MVK: variants seen among roughly 807,000 people sequenced by gnomAD.
The protein encoded by MVK is LH receptor mRNA-binding protein.
Under a neutral mutation model 43.2 loss-of-function variants are expected in MVK, and 34 were observed. The observed-to-expected ratio is 0.79, with a 90% CI of 0.60 to 1.05. The LOEUF (loss-of-function observed/expected upper bound fraction) is 1.05. Ranked by LOEUF, MVK falls within the 50% of genes least tolerant of loss-of-function variation. The pLI is 0.00. For synonymous variants in MVK, 190 were observed against 219.8 expected, an observed-to-expected ratio of 0.86 and a Z score of 1.20; for missense variants, 395 against 504.0, an observed-to-expected ratio of 0.78 and a Z score of 2.07.
intron 5 of MVK, among the ~76,000 whole-genome samples, chr12:109,583,089 G>GTTTTT: frequency 6.7e-6 from 1 of 148,806 alleles, no homozygotes; most frequent in African/African-American, 2.5e-5. Context: ...TCCTTGGTCT[G>GTTTTT]TTTTTTTTTT....
chr12:109,586,866 G>A, intron 7 of MVK, 67 bp downstream of exon 7: 1 of 1,591,650 alleles, frequency 6.3e-7, no homozygotes. Context: ...GCAGAGCTCT[G>A]CACCTTTGGG....
intron 4 of MVK, among the ~76,000 whole-genome samples, chr12:109,580,835 G>A (rs1001773022): frequency 1.3e-5 from 2 of 152,182 alleles, no homozygotes; most frequent in Non-Finnish European, 2.9e-5. Context: ...GGGGAGCACC[G>A]TCTGGCGGGA....
At chr12:109,574,167 G>A (rs1884808850) in intron 1 of MVK, among the ~76,000 whole-genome samples, 1 of 152,170 alleles carries the variant, frequency 6.6e-6, no homozygotes, top group Admixed American at 6.5e-5. Flanking sequence ...ATAATTTTGC[G>A]TTATGTATAA....
rs568903157 is a variant in MVK at position 109,592,226 on chromosome 12, A to C, written c.885+869A>C. Among the ~76,000 whole-genome samples, 98 of 152,314 alleles carry C rather than the reference A, an allele frequency of 6.4e-4. 1 individual carries two copies. The highest frequency in any genetic ancestry group is 2.2e-3 in the African/African-American group (90 of 41,560). On this transcript the variant is annotated intron_variant, in intron 9 of 10. Transcript: ENST00000228510. ...TGAGACCTTGTCTCACACACACACA[A>C]AAAATGCTTGGAGTCTCATGGGTGA... is the stretch of plus-strand genomic sequence containing the variant.
intron 7 of MVK, chr12:109,590,076 C>T (rs1440954579): frequency 6.2e-6 from 1 of 160,014 alleles, no homozygotes; most frequent in Non-Finnish European, 1.4e-5. Flanking sequence ...TGAGGTAGGG[C>T]AAGAATGGGC....
At chr12:109,586,834 G>A in intron 7 of MVK, 35 bp downstream of exon 7, 2 of 1,613,128 alleles carry the variant, frequency 1.2e-6, no homozygotes, top group Non-Finnish European at 1.7e-6. Context: ...TTCAGCCATG[G>A]CTGCATTGAT....
At chr12:109,573,397 C>A (rs747142605), upstream of MVK, 1 of 1,612,016 alleles carries the variant, frequency 6.2e-7, no homozygotes, top group South Asian at 1.1e-5. Context: ...AACGGGGATA[C>A]AGGAGCCTGG....
intron 4 of MVK, among the ~76,000 whole-genome samples, chr12:109,580,877 C>T (rs902228858): frequency 9.3e-5 from 14 of 151,336 alleles, no homozygotes; most frequent in African/African-American, 9.7e-5. Context: ...TCCTAGTGTG[C>T]GGTGGTGAGG....
intron 9 of MVK, among the ~76,000 whole-genome samples, chr12:109,594,745 C>T (rs916018739): frequency 6.6e-6 from 1 of 152,190 alleles, no homozygotes; most frequent in Non-Finnish European, 1.5e-5. Context: ...GACCACATGC[C>T]CATCCCTGAT....
At chr12:109,577,591 A>G (rs891465554) in intron 3 of MVK, among the ~76,000 whole-genome samples, 2 of 152,206 alleles carry the variant, frequency 1.3e-5, no homozygotes, top group Admixed American at 6.5e-5. Context: ...TGCTGGGGTT[A>G]CAGGTGAGAG....
At chr12:109,582,505 T>C (rs1885260220) in intron 5 of MVK, among the ~76,000 whole-genome samples, 1 of 152,096 alleles carries the variant, frequency 6.6e-6, no homozygotes, top group South Asian at 2.1e-4. Context: ...GTGTGTGCAC[T>C]TGCATGTGTG....
chr12:109,596,282 A>G, intron 10 of MVK, 144 bp from the exon 11 acceptor site: 1 of 1,194,026 alleles, frequency 8.4e-7, no homozygotes, highest in Non-Finnish European at 1.2e-6. Flanking sequence ...GCTGCAGGTA[A>G]CCTTGGGCTT....
intron 5 of MVK, among the ~76,000 whole-genome samples, chr12:109,582,508 C>G (rs1164209504): frequency 1.3e-5 from 2 of 152,064 alleles, no homozygotes; most frequent in Admixed American, 1.3e-4. Flanking sequence ...TGTGCACTTG[C>G]ATGTGTGTGT....
intron 2 of MVK, among the ~76,000 whole-genome samples, chr12:109,575,390 A>T (rs995688895): frequency 7.9e-5 from 12 of 151,446 alleles, no homozygotes; most frequent in Non-Finnish European, 2.9e-5. Context: ...TGTGAACCTA[A>T]GTCTGTCTGA....
At chr12:109,585,741 CAG>C (rs1176997289) in intron 5 of MVK, among the ~76,000 whole-genome samples, 1 of 151,484 alleles carries the variant, frequency 6.6e-6, no homozygotes, top group Non-Finnish European at 1.5e-5. Context: ...GCCTGGGTGA[CAG>C]AGTGAGACTC....
rs367986981 is a variant in MVK at position 109,586,710 on chromosome 12, G to A, written c.632-44G>A. The A allele has an allele frequency of 1.9e-6, 3 of 1,609,916 alleles. No homozygotes were observed. In the African/African-American group the frequency reaches 4.0e-5, roughly 22 times the overall value. On this transcript the variant is annotated intron_variant, in intron 6 of 10. Transcript: ENST00000228510. ...CCTCTCTCCCAAGTAGCACAGATAT[G>A]TTAGCTTTTCCCACAGCTCTGACCC...
chr12:109,575,222 T>A (rs1884889853), intron 2 of MVK, among the ~76,000 whole-genome samples: 1 of 152,166 alleles, frequency 6.6e-6, no homozygotes, highest in South Asian at 2.1e-4. Flanking sequence ...GGAAGGATGA[T>A]CTAGCAAAGG....
At chr12:109,593,013 C>T (rs1020971344) in intron 9 of MVK, among the ~76,000 whole-genome samples, 3 of 152,192 alleles carry the variant, frequency 2.0e-5, no homozygotes, top group African/African-American at 7.2e-5. Context: ...CTGTGGCAGC[C>T]GCTGAAATGT....
At position 109,581,470 on chromosome 12, in the gene MVK, C is replaced by G. The variant is rs104895299; in HGVS notation, c.447C>G (p.Tyr149Ter). 2.5e-6 allele frequency: 4 copies of G among 1,614,090 alleles called. No individual in the cohort carries two copies. The highest frequency in any genetic ancestry group is 3.4e-6 in the Non-Finnish European group (4 of 1,180,032). The change falls in exon 5 of 11, where the codon TAC becomes TAG. Residue 149 changes from tyrosine to a stop codon, truncating the protein, a stop_gained. Transcript: ENST00000228510. LOFTEE classifies it high-confidence loss of function. ...PGAGLGSSAA[Y>*]SVCLAAALLT... ...CGGGCTTGGGCTCCAGCGCCGCCTA[C>G]TCGGTGTGTCTGGCAGCAGCCCTCC...
Sources: allele counts gnomAD v4.1 joint callset (sites outside exome capture counted in the v4.1 genomes callset), GRCh38; gene constraint gnomAD v4.1.1; transcripts MANE v1.5; gene names NCBI Gene and HGNC (gene_info 2026-07-23, HGNC 2026-07-21).